Variants in ARHGEF4 observed in about 807,000 individuals in gnomAD.
ARHGEF4 encodes APC-stimulated guanine nucleotide exchange factor 1.
Under a neutral mutation model 162.0 loss-of-function variants are expected in ARHGEF4, and 119 were observed. That is an observed-to-expected ratio of 0.73 (90% CI 0.63 to 0.86). ARHGEF4 has a LOEUF of 0.86. ARHGEF4 is among the 40% of genes least tolerant of loss of function. The pLI, the probability that ARHGEF4 is intolerant of heterozygous loss-of-function variation, is 0.00. For missense variants in ARHGEF4, 2,488 were observed against 2,456.0 expected, an observed-to-expected ratio of 1.01 and a Z score of -0.28; for synonymous variants, 1,014 against 979.9, an observed-to-expected ratio of 1.03 and a Z score of -0.65.
chr2:130,953,996 G>A (rs1047966925), intron 4 of ARHGEF4, among the ~76,000 whole-genome samples: 6 of 152,320 alleles, frequency 3.9e-5, no homozygotes, highest in Non-Finnish European at 5.9e-5. Flanking sequence ...ACAGTGTGAC[G>A]ATTCCTCAAG....
At chr2:130,924,934 C>G (rs1398396833) in intron 2 of ARHGEF4, among the ~76,000 whole-genome samples, 1 of 151,960 alleles carries the variant, frequency 6.6e-6, no homozygotes, top group East Asian at 1.9e-4. Context: ...GGTGTAATAT[C>G]CACTTTATGG....
chr2:131,023,210 C>G (rs1057386438), intron 4 of ARHGEF4, among the ~76,000 whole-genome samples: 9 of 151,894 alleles, frequency 5.9e-5, no homozygotes, highest in Admixed American at 6.6e-5. Context: ...AGGAGGATCA[C>G]TTGAGGCCAG....
At chr2:130,869,013 G>A (rs1308052487) in intron 1 of ARHGEF4, among the ~76,000 whole-genome samples, 2 of 152,222 alleles carry the variant, frequency 1.3e-5, no homozygotes, top group African/African-American at 2.4e-5. Flanking sequence ...CCCATCTCAT[G>A]CACTTCATTA....
intron 1 of ARHGEF4, among the ~76,000 whole-genome samples, chr2:130,876,352 T>A (rs1263510369): frequency 6.6e-6 from 1 of 152,202 alleles, no homozygotes. Flanking sequence ...GAGAACGCTT[T>A]CTGTGGGACT....
chr2:130,992,655 CATTCTT>C (rs1687111332), intron 4 of ARHGEF4, among the ~76,000 whole-genome samples: 1 of 152,214 alleles, frequency 6.6e-6, no homozygotes, highest in African/African-American at 2.4e-5. Flanking sequence ...TCTGCGGCTT[CATTCTT>C]AAAGTCAGTG....
chr2:130,996,344 G>A (rs1035028200), intron 4 of ARHGEF4, among the ~76,000 whole-genome samples: 5 of 152,160 alleles, frequency 3.3e-5, no homozygotes, highest in African/African-American at 1.2e-4. Flanking sequence ...CTCGTGTCTT[G>A]AAGTGCATGT....
chr2:130,977,341 G>A (rs543373245), intron 4 of ARHGEF4, among the ~76,000 whole-genome samples: 4 of 151,844 alleles, frequency 2.6e-5, no homozygotes, highest in Non-Finnish European at 4.4e-5. Context: ...TAAGTATGTG[G>A]TGTGTGTAGA....
In ARHGEF4 at chr2:130,916,572, C is replaced by A; in HGVS notation, c.2626C>A (p.His876Asn). Residue 876 changes from histidine to asparagine, a missense_variant, in exon 2 of 14, where the codon CAC becomes AAC. His to Asn is a moderately conservative substitution (Grantham distance 68, BLOSUM62 1). Coordinates refer to ENST00000409359, the MANE Select transcript of ARHGEF4 (RefSeq NM_001367493.1). ...DRTAGPAGAG[H>N]TGTSGDLGSR... is the part of the protein sequence containing the mutation. The stretch of plus-strand genomic sequence containing the variant: ...GACTGCAGGGCCGGCAGGAGCGGGG[C>A]ACACGGGGACCTCAGGGGATCTTGG... 6.5e-7 allele frequency: 1 copy of A among 1,550,376 alleles called. No homozygotes were observed. Among genetic ancestry groups the A allele is most frequent in the Non-Finnish European group, 8.7e-7 (1 of 1,146,916 alleles).
At chr2:130,878,597 G>A (rs1222624895) in intron 1 of ARHGEF4, among the ~76,000 whole-genome samples, 3 of 152,138 alleles carry the variant, frequency 2.0e-5, no homozygotes, top group East Asian at 1.9e-4. Context: ...CTGCAAACAC[G>A]ACCCTGAGCA....
At chr2:131,029,623 G>A (rs994653170) in intron 5 of ARHGEF4, among the ~76,000 whole-genome samples, 2 of 149,686 alleles carry the variant, frequency 1.3e-5, no homozygotes, top group African/African-American at 5.0e-5. Context: ...CAGTGGTCTC[G>A]GCTAACTGCC....
intron 4 of ARHGEF4, among the ~76,000 whole-genome samples, chr2:130,992,748 G>A (rs140014294): frequency 3.3e-5 from 5 of 152,302 alleles, no homozygotes; most frequent in Non-Finnish European, 5.9e-5. Context: ...AAGTATTAAG[G>A]ATTATTTAGC....
chr2:131,006,290 C>A (rs1688109454), intron 4 of ARHGEF4, among the ~76,000 whole-genome samples: 1 of 152,196 alleles, frequency 6.6e-6, no homozygotes, highest in African/African-American at 2.4e-5. Context: ...TGACTCCAAG[C>A]AGAGAACCCA....
At position 130,915,632 on chromosome 2, in the gene ARHGEF4, A is replaced by G. The variant is rs1348434172; in HGVS notation, c.1686A>G (p.Ile562Met). 8.4e-6 allele frequency: 13 copies of G among 1,550,448 alleles called. No homozygotes were observed. The highest frequency in any genetic ancestry group is 1.1e-5 in the Non-Finnish European group (13 of 1,146,978). ...AGACCACCCAGAAATCAAGCGCAAT[A>G]GACACTTCAAAGGCAGCCGAAGAAG... ...APETTQKSSA[I>M]DTSKAAEEAM... is the part of the protein sequence containing the mutation. The change falls in exon 2 of 14, where the codon ATA becomes ATG. Residue 562 changes from isoleucine to methionine, a missense_variant. By Grantham distance (10) the Ile-to-Met change is conservative. Coordinates refer to ENST00000409359, the MANE Select transcript of ARHGEF4 (RefSeq NM_001367493.1).
intron 10 of ARHGEF4, 129 bp downstream of exon 10, chr2:131,042,073 C>G (rs912986285): frequency 1.5e-6 from 2 of 1,336,970 alleles, no homozygotes; most frequent in Non-Finnish European, 2.0e-6. Context: ...GCAACAGATG[C>G]TCATGGTGTG....
chr2:130,996,810 T>C (rs1176820991), intron 4 of ARHGEF4, among the ~76,000 whole-genome samples: 1 of 152,208 alleles, frequency 6.6e-6, no homozygotes, highest in Non-Finnish European at 1.5e-5. Context: ...AAACCCAGAA[T>C]CTTCCAACTT....
At chr2:130,952,805 A>G (rs1167496096) in intron 4 of ARHGEF4, among the ~76,000 whole-genome samples, 2 of 152,232 alleles carry the variant, frequency 1.3e-5, no homozygotes, top group Non-Finnish European at 2.9e-5. Context: ...CCCATTCACA[A>G]TTGTTACAAA....
chr2:130,918,206 T>C (rs1359716767), intron 2 of ARHGEF4, among the ~76,000 whole-genome samples: 1 of 152,206 alleles, frequency 6.6e-6, no homozygotes, highest in Non-Finnish European at 1.5e-5. Context: ...TTTATCGTAT[T>C]TAGAATTTGA....
At chr2:130,878,934 A>C (rs1160033235) in intron 1 of ARHGEF4, among the ~76,000 whole-genome samples, 1 of 152,178 alleles carries the variant, frequency 6.6e-6, no homozygotes, top group East Asian at 1.9e-4. Context: ...CACATAAGAG[A>C]GGAAGTAGTT....
chr2:130,900,560 T>C (rs1052690421), intron 1 of ARHGEF4, among the ~76,000 whole-genome samples: 5 of 152,246 alleles, frequency 3.3e-5, no homozygotes, highest in Non-Finnish European at 7.3e-5. Flanking sequence ...TTTTATAATG[T>C]CTTTTTTGAA....
Sources: allele counts gnomAD v4.1 joint callset (sites outside exome capture counted in the v4.1 genomes callset), GRCh38; gene constraint gnomAD v4.1.1; transcripts MANE v1.5; gene names NCBI Gene and HGNC (gene_info 2026-07-23, HGNC 2026-07-21).